TRIO: variants seen among roughly 807,000 people sequenced by gnomAD.
The protein encoded by TRIO is triple functional domain protein.
Under a neutral mutation model 351.9 loss-of-function variants are expected in TRIO, and 58 were observed. That is an observed-to-expected ratio of 0.16 (90% CI 0.13 to 0.21). The LOEUF (loss-of-function observed/expected upper bound fraction) is 0.21, where lower values mean the gene tolerates loss of function less well. Among genes scored for constraint, TRIO ranks in the 10% least tolerant of loss-of-function variants. The pLI is 1.00. For synonymous variants in TRIO, 1,758 were observed against 1,595.7 expected (o/e 1.10, Z -2.42); for missense variants, 3,201 against 4,027.8 (o/e 0.79, Z 5.56).
chr5:14,285,674 T>TC (rs1384559807), intron 3 of TRIO, among the ~76,000 whole-genome samples: 2 of 152,122 alleles, frequency 1.3e-5, no homozygotes, highest in African/African-American at 4.8e-5. Context: ...TTTAGACTAG[T>TC]TTTTTGGGGG....
chr5:14,452,316 G>A (rs1334324653), intron 34 of TRIO, among the ~76,000 whole-genome samples: 2 of 152,214 alleles, frequency 1.3e-5, no homozygotes, highest in Admixed American at 6.5e-5. Context: ...ACACATCAGT[G>A]TGAGTATTCC....
Position 14,143,710 on chromosome 5 carries a change from GGGCGCC to G in TRIO, c.-14_-9del, listed in dbSNP as rs1042881897. 6.3e-4 allele frequency: 613 copies of G among 976,170 alleles called. No homozygotes were observed. The highest frequency in any genetic ancestry group is 6.8e-4 in the Non-Finnish European group (563 of 825,410). 60.5% of individuals were successfully genotyped at this position (976,170 alleles called of 1,614,324 possible). The stretch of plus-strand genomic sequence containing the variant: ...CGGGGCCCGAGGCGGGCGCGGCCGC[GGGCGCC>G]GCCGCAGCCATGAGCGGCAGCAGCG... On this transcript the variant is annotated 5_prime_UTR_variant, in exon 1 of 57. Coordinates refer to ENST00000344204, the MANE Select transcript of TRIO (RefSeq NM_007118.4).
At chr5:14,295,041 G>A (rs1368623876) in intron 6 of TRIO, among the ~76,000 whole-genome samples, 4 of 152,114 alleles carry the variant, frequency 2.6e-5, no homozygotes, top group Admixed American at 2.6e-4. Flanking sequence ...GGTGATGCCT[G>A]CTGGGGAGCT....
At chr5:14,157,902 C>T (rs1788212145) in intron 1 of TRIO, among the ~76,000 whole-genome samples, 1 of 152,028 alleles carries the variant, frequency 6.6e-6, no homozygotes. Flanking sequence ...CTGTGTTTTT[C>T]TACATTAAAT....
rs1474602778 is a variant in TRIO, at chr5:14,471,467, G to A, written c.5912+1G>A. On this transcript the variant is annotated splice_donor_variant, in intron 38 of 56. Transcript: ENST00000344204. LOFTEE classifies it high-confidence loss of function. ...AATCCAGCTCTTTAAAGAGAAGACA[G>A]TAAGACAGAAATGTTTTCATTCTTA... is the stretch of plus-strand genomic sequence containing the variant. 6.2e-7 allele frequency: 1 copy of A among 1,613,922 alleles called. No individual in the cohort carries two copies. Among genetic ancestry groups the A allele is most frequent in the Non-Finnish European group, 8.5e-7 (1 of 1,179,984 alleles).
chr5:14,430,833 A>G (rs1431223159), intron 34 of TRIO, among the ~76,000 whole-genome samples: 1 of 151,938 alleles, frequency 6.6e-6, no homozygotes, highest in Non-Finnish European at 1.5e-5. Context: ...CTCCTGCCTC[A>G]GCCTCCCGAG....
chr5:14,456,859 AATAG>A (rs548282372), intron 34 of TRIO, among the ~76,000 whole-genome samples: 8 of 152,360 alleles, frequency 5.3e-5, no homozygotes, highest in Non-Finnish European at 7.3e-5. Context: ...AGCTAAAAAT[AATAG>A]ATATGTTATT....
intron 3 of TRIO, among the ~76,000 whole-genome samples, chr5:14,281,009 G>T (rs1735945976): frequency 6.6e-6 from 1 of 152,140 alleles, no homozygotes; most frequent in South Asian, 2.1e-4. Flanking sequence ...GTCCGCAAGT[G>T]GGGAGTCATG....
intron 1 of TRIO, among the ~76,000 whole-genome samples, chr5:14,258,354 G>C (rs1339702029): frequency 6.6e-6 from 1 of 152,290 alleles, no homozygotes; most frequent in East Asian, 1.9e-4. Flanking sequence ...GAATGATGCT[G>C]TAGGTGCAGA....
At chr5:14,153,997 C>T (rs747194939) in intron 1 of TRIO, among the ~76,000 whole-genome samples, 1 of 152,088 alleles carries the variant, frequency 6.6e-6, no homozygotes, top group African/African-American at 2.4e-5. Context: ...TGTGCCTTTC[C>T]TCTTCTCACC....
At chr5:14,264,772 TC>T (rs1447727842) in intron 1 of TRIO, among the ~76,000 whole-genome samples, 1 of 152,224 alleles carries the variant, frequency 6.6e-6, no homozygotes, top group Non-Finnish European at 1.5e-5. Context: ...TCCTGCGGGC[TC>T]CGCAGAGAAG....
At chr5:14,287,572 A>T (rs1736556312) in intron 4 of TRIO, among the ~76,000 whole-genome samples, 1 of 152,202 alleles carries the variant, frequency 6.6e-6, no homozygotes, top group South Asian at 2.1e-4. Flanking sequence ...AGAGTCCTGA[A>T]TTCAGTTAGG....
chr5:14,237,097 G>A (rs1299900732), intron 1 of TRIO, among the ~76,000 whole-genome samples: 1 of 152,186 alleles, frequency 6.6e-6, no homozygotes, highest in Non-Finnish European at 1.5e-5. Flanking sequence ...TGCTTTGGTA[G>A]TACAGGTTGA....
At chr5:14,219,815 G>A (rs1792477444) in intron 1 of TRIO, among the ~76,000 whole-genome samples, 1 of 151,414 alleles carries the variant, frequency 6.6e-6, no homozygotes, top group Admixed American at 6.6e-5. Context: ...AAATAGATCA[G>A]TATTTTTCAA....
At chr5:14,360,371 A>T (rs1372305736) in intron 13 of TRIO, among the ~76,000 whole-genome samples, 1 of 152,144 alleles carries the variant, frequency 6.6e-6, no homozygotes, top group Admixed American at 6.5e-5. Flanking sequence ...TTACCTGGGA[A>T]CGTGACGTAA....
intron 47 of TRIO, 51 bp downstream of exon 47, chr5:14,485,297 C>G: frequency 6.7e-7 from 1 of 1,497,406 alleles, no homozygotes; most frequent in Non-Finnish European, 9.0e-7. Context: ...CGTGTACTCA[C>G]TTGTATTTAT....
chr5:14,215,071 T>C (rs1180790176), intron 1 of TRIO, among the ~76,000 whole-genome samples: 1 of 152,196 alleles, frequency 6.6e-6, no homozygotes, highest in African/African-American at 2.4e-5. Flanking sequence ...CTAGACTGTC[T>C]AGTTCAATAA....
intron 8 of TRIO, among the ~76,000 whole-genome samples, chr5:14,309,888 A>T (rs1428018956): frequency 6.6e-6 from 1 of 150,778 alleles, no homozygotes; most frequent in South Asian, 2.1e-4. Context: ...TTTCTCTACA[A>T]TTTTTTTTCT....
In TRIO at chr5:14,461,056, C is replaced by A. The variant is rs926925229; in HGVS notation, c.5241C>A (p.Pro1747=). 6.3e-7 allele frequency: 1 copy of A among 1,582,624 alleles called. No individual in the cohort carries two copies. The highest frequency in any genetic ancestry group is 2.3e-5 in the East Asian group (1 of 42,790). Residue 1747 remains proline (P), a synonymous_variant, in exon 35 of 57, where the codon CCC becomes CCA. Transcript: ENST00000344204. Reference sequence around the variant, plus strand: ...TCTCCAGCAATGACGCCAGTCCACCCGCATCCGTGGCTTCCCTCCAGCCCC... The same window carrying A: ...TCTCCAGCAATGACGCCAGTCCACCAGCATCCGTGGCTTCCCTCCAGCCCC... ...LSVSSNDASP[P]ASVASLQPHM...
Sources: gnomAD v4.1 joint callset for allele counts (sites outside exome capture counted in the v4.1 genomes callset) on GRCh38, gnomAD v4.1.1 for gene constraint, MANE v1.5 for transcripts, NCBI Gene and HGNC (gene_info 2026-07-23, HGNC 2026-07-21) for gene names.